The following KRT7 variants were observed in gnomAD, a reference collection of about 807,000 sequenced individuals.
KRT7 encodes keratin 7.
In KRT7, 50 loss-of-function variants were observed where a neutral mutation model predicts 42.8. The observed-to-expected ratio is 1.17, with a 90% CI of 0.93 to 1.48. The LOEUF is 1.48. KRT7 is among the 40% of genes most tolerant of loss of function. The pLI is 0.00. For missense variants in KRT7, 588 were observed against 637.6 expected (o/e 0.92, Z 0.84); for synonymous variants, 268 against 266.3 (o/e 1.01, Z -0.06).
rs919670209 is a variant in KRT7, at chr12:52,248,840, C to G, written c.*80C>G. 4 of 1,353,408 alleles carry G rather than the reference C, an allele frequency of 3.0e-6. No homozygotes were observed. In the African/African-American group the frequency reaches 6.0e-5, roughly 20 times the overall value. 83.8% of individuals were successfully genotyped at this position (1,353,408 alleles called of 1,614,324 possible). On this transcript the variant is annotated 3_prime_UTR_variant, in exon 9 of 9. Transcript: ENST00000331817. ...CCCACCCCTGCCTCCCATGCCTGGT[C>G]CCAAGACAGTGAGACAGTCTGGAAA...
At chr12:52,247,561 G>T (rs532398862) in intron 7 of KRT7, 1 of 153,310 alleles carries the variant, frequency 6.5e-6, no homozygotes, top group South Asian at 2.1e-4. Flanking sequence ...AACATAGCCA[G>T]CTGTCCCGAA....
chr12:52,252,259 C>A, downstream of KRT7: 1 of 1,613,160 alleles, frequency 6.2e-7, no homozygotes. Context: ...CTGTGGTCCT[C>A]ACCTCTGCTC....
rs200462837 is a variant in KRT7 at position 52,235,275 on chromosome 12, C to T, written c.445C>T (p.Arg149Trp). The change falls in exon 2 of 9, where the codon CGG (arginine) becomes TGG (tryptophan). Residue 149 changes from arginine (R) to tryptophan (W), a missense_variant. Physicochemically the swap from Arg to Trp is moderately radical, Grantham distance 101. Transcript: ENST00000331817. ...CTTTGAGGCCCAGATTGCTGGCCTT[C>T]GGGGTCAGCTTGAGGCACTGCAGGT... ...DIFEAQIAGL[R>W]GQLEALQVDG... 9 of 1,614,160 alleles carry T rather than the reference C, an allele frequency of 5.6e-6. No homozygotes were observed. Among genetic ancestry groups the T allele is most frequent in the African/African-American group, 2.7e-5 (2 of 75,060 alleles).
chr12:52,243,128 C>T lies in KRT7; in HGVS notation c.975C>T (p.Ile325=). 6.2e-7 allele frequency: 1 copy of T among 1,612,096 alleles called. No individual in the cohort carries two copies. The highest frequency in any genetic ancestry group is 8.5e-7 in the Non-Finnish European group (1 of 1,178,964). The change falls in exon 6 of 9, where the codon ATC becomes ATT. Residue 325 remains isoleucine, a synonymous_variant. Transcript: ENST00000331817. ...IQRLQAEIDN[I]KNQRAKLEAA... Reference sequence around the variant, plus strand: ...GGCTGCAGGCTGAGATCGACAACATCAAGAACCAGGTGGGACAAGTCCTCC... The same window carrying T: ...GGCTGCAGGCTGAGATCGACAACATTAAGAACCAGGTGGGACAAGTCCTCC...
chr12:52,249,387 TG>T, downstream of KRT7: 1 of 152,550 alleles, frequency 6.6e-6, no homozygotes. Flanking sequence ...CAGCCAGGCC[TG>T]GGGCCCTGGA....
chr12:52,234,751 G>A (rs979497131), intron 1 of KRT7, among the ~76,000 whole-genome samples: 13 of 152,216 alleles, frequency 8.5e-5, no homozygotes, highest in African/African-American at 2.9e-4. Flanking sequence ...AAAGGGGAAG[G>A]AGAGAAAGGA....
chr12:52,253,041 A>G (rs1167077409), downstream of KRT7, among the ~76,000 whole-genome samples: 2 of 152,122 alleles, frequency 1.3e-5, no homozygotes, highest in African/African-American at 4.8e-5. Flanking sequence ...TATTGCCCCA[A>G]TGCCTCCATT....
At chr12:52,252,678 T>G (rs1439788788), downstream of KRT7, among the ~76,000 whole-genome samples, 2 of 152,250 alleles carry the variant, frequency 1.3e-5, no homozygotes, top group Non-Finnish European at 2.9e-5. Context: ...TTGAAATTCT[T>G]GGCTTCTTTC....
intron 6 of KRT7, 93 bp downstream of exon 6, chr12:52,243,230 A>G (rs1392930360): frequency 3.1e-5 from 45 of 1,439,516 alleles, no homozygotes; most frequent in Non-Finnish European, 4.0e-5. Flanking sequence ...GGAGGTTCCC[A>G]TCTCCCGGCC....
downstream of KRT7, chr12:52,252,058 C>T (rs948557766): frequency 2.6e-6 from 2 of 767,558 alleles, no homozygotes; most frequent in Non-Finnish European, 4.5e-6. Flanking sequence ...CCTCACACAA[C>T]CTTATAGGGA....
Position 52,233,640 on chromosome 12 carries a change from G to A in KRT7, c.324+20G>A, listed in dbSNP as rs998605105. ...GACAAGGTGAGCGGGACTGGACCTC[G>A]CCTCTCCTCGAGCCGCGCTCCAGAC... is the stretch of plus-strand genomic sequence containing the variant. On this transcript the variant is annotated intron_variant, in intron 1 of 8. Coordinates refer to ENST00000331817, the MANE Select transcript of KRT7 (RefSeq NM_005556.4). 6.2e-7 allele frequency: 1 copy of A among 1,610,192 alleles called. No individual in the cohort carries two copies. Among genetic ancestry groups the A allele is most frequent in the African/African-American group, 1.3e-5 (1 of 74,922 alleles).
chr12:52,238,757 C>T lies in KRT7; in HGVS notation c.675C>T (p.Leu225=). The change falls in exon 4 of 9, where the codon CTC becomes CTT. Residue 225 remains leucine, a synonymous_variant. Transcript: ENST00000331817. ...VDALNDEINF[L]RTLNETELTE... Reference sequence around the variant, plus strand: ...CCCTGAATGATGAGATCAACTTCCTCAGGACCCTCAATGAGACGGTGAGGA... The same window carrying T: ...CCCTGAATGATGAGATCAACTTCCTTAGGACCCTCAATGAGACGGTGAGGA... 1.2e-6 allele frequency: 2 copies of T among 1,611,080 alleles called. No homozygotes were observed. Among genetic ancestry groups the T allele is most frequent in the Non-Finnish European group, 1.7e-6 (2 of 1,177,218 alleles).
downstream of KRT7, chr12:52,253,851 T>G: frequency 2.1e-6 from 1 of 470,348 alleles, no homozygotes; most frequent in Non-Finnish European, 4.3e-6. Context: ...CTTGTCCCCT[T>G]TCCCTGCTTC....
downstream of KRT7, chr12:52,255,482 T>A: frequency 2.2e-6 from 1 of 453,732 alleles, no homozygotes; most frequent in East Asian, 7.0e-5. Flanking sequence ...GGCAAACACA[T>A]TCCGGGAACT....
downstream of KRT7, chr12:52,252,040 A>C (rs987487450): frequency 2.8e-6 from 2 of 726,876 alleles, no homozygotes; most frequent in African/African-American, 3.5e-5. Context: ...CATTTACAGC[A>C]CCAACGCCCT....
Position 52,245,511 on chromosome 12 carries a change from C to T in KRT7, c.1084C>T (p.Gln362Ter), listed in dbSNP as rs891374407. 8 of 1,614,038 alleles carry T rather than the reference C, an allele frequency of 5.0e-6. No individual in the cohort carries two copies. The highest frequency in any genetic ancestry group is 3.3e-4 in the Middle Eastern group (2 of 6,052). ...AKQEELEAALQRGKQDMARQL... is the reference protein window; with the variant it reads ...AKQEELEAAL ...GCAGGAGGAGCTGGAAGCCGCCCTG[C>T]AGCGGGGCAAGCAGGATATGGCACG... The change falls in exon 7 of 9, where the codon CAG (glutamine) becomes TAG (stop). Residue 362 changes from glutamine (Q) to a stop codon, truncating the protein, a stop_gained. Coordinates refer to ENST00000331817, the MANE Select transcript of KRT7 (RefSeq NM_005556.4). LOFTEE classifies it high-confidence loss of function.
chr12:52,234,718 ACTGTC>A (rs2121063662), intron 1 of KRT7, among the ~76,000 whole-genome samples: 1 of 152,060 alleles, frequency 6.6e-6, no homozygotes, highest in Non-Finnish European at 1.5e-5. Context: ...CCATGGATTG[ACTGTC>A]CTGAGGCCTT....
chr12:52,239,170 A>C (rs888597280), intron 4 of KRT7, among the ~76,000 whole-genome samples: 24 of 152,138 alleles, frequency 1.6e-4, no homozygotes, highest in Non-Finnish European at 1.9e-4. Flanking sequence ...GCAGCCTACA[A>C]TGCATTGCAA....
At chr12:52,251,225 C>G (rs1476385437), downstream of KRT7, among the ~76,000 whole-genome samples, 1 of 152,200 alleles carries the variant, frequency 6.6e-6, no homozygotes, top group African/African-American at 2.4e-5. Flanking sequence ...AGTGATCCAC[C>G]TGCCTTGGCC....
Sources: gnomAD v4.1 joint callset for allele counts (sites outside exome capture counted in the v4.1 genomes callset) on GRCh38, gnomAD v4.1.1 for gene constraint, MANE v1.5 for transcripts, NCBI Gene and HGNC (gene_info 2026-07-23, HGNC 2026-07-21) for gene names.